EPB41L3: variants seen among roughly 807,000 people sequenced by gnomAD.
The protein encoded by EPB41L3 is erythrocyte membrane protein band 4.1 like 3, also known as band 4.1-like protein 3.
Under a neutral mutation model 127.1 loss-of-function variants are expected in EPB41L3, and 57 were observed. The observed-to-expected ratio is 0.45, with a 90% CI of 0.36 to 0.56. EPB41L3 has a LOEUF of 0.56. EPB41L3 is among the 20% of genes least tolerant of loss of function. The pLI, the probability that EPB41L3 is intolerant of heterozygous loss-of-function variation, is 0.00. For synonymous variants in EPB41L3, 572 were observed against 549.5 expected, an observed-to-expected ratio of 1.04 and a Z score of -0.57; for missense variants, 1,273 against 1,372.2, an observed-to-expected ratio of 0.93 and a Z score of 1.14.
chr18:5,608,275 G>C (rs2094685137), intron 3 of EPB41L3, among the ~76,000 whole-genome samples: 1 of 152,110 alleles, frequency 6.6e-6, no homozygotes, highest in Non-Finnish European at 1.5e-5. Flanking sequence ...TGTTGTTGTT[G>C]TTGTTAAGAA....
At position 5,395,724 on chromosome 18, in the gene EPB41L3, A is replaced by G. The variant is rs2073296593; in HGVS notation, c.2974-17T>C. 6.2e-7 allele frequency: 1 copy of G among 1,606,740 alleles called. No homozygotes were observed. The highest frequency in any genetic ancestry group is 1.3e-5 in the African/African-American group (1 of 74,902). Reference sequence around the variant, plus strand: ...TGGATCGACCTAAAGCAGCAGAGGCATAGACCCCTCATCCAGGTGCTCACA... The same window carrying G: ...TGGATCGACCTAAAGCAGCAGAGGCGTAGACCCCTCATCCAGGTGCTCACA... On this transcript the variant is annotated splice_polypyrimidine_tract_variant and intron_variant, in intron 19 of 22. Transcript: ENST00000341928.
chr18:5,604,817 C>A (rs1323539730), intron 3 of EPB41L3, among the ~76,000 whole-genome samples: 1 of 152,072 alleles, frequency 6.6e-6, no homozygotes, highest in African/African-American at 2.4e-5. Context: ...CTCTCCTTAT[C>A]CCCTAATTTC....
At position 5,396,308 on chromosome 18, in the gene EPB41L3, T is replaced by C; in HGVS notation, c.2866A>G (p.Ile956Val). ...CCCGGTGAAACACTGCCAAAACTGA[T>C]GGTTTCCGTCTTCACCGTTGAGGAC... ...FESSTVKTET[I>V]SFGSVSPGGV... Residue 956 changes from isoleucine to valine, a missense_variant, in exon 19 of 23, where the codon ATC becomes GTC. Around this residue, in one of 3 missense-constraint regions of EPB41L3, gnomAD observed 765 missense variants for 782.9 expected, o/e 0.98. Coordinates refer to ENST00000341928, the MANE Select transcript of EPB41L3 (RefSeq NM_012307.5). The C allele has an allele frequency of 1.2e-6, 2 of 1,614,220 alleles. No individual in the cohort carries two copies.
intron 1 of EPB41L3, among the ~76,000 whole-genome samples, chr18:5,492,043 G>C (rs1292726344): frequency 6.6e-6 from 1 of 152,142 alleles, no homozygotes; most frequent in African/African-American, 2.4e-5. Context: ...TGTCTGGCTG[G>C]GCGCAGTGGC....
chr18:5,481,400 G>A (rs939143838), intron 2 of EPB41L3, among the ~76,000 whole-genome samples: 2 of 152,120 alleles, frequency 1.3e-5, no homozygotes, highest in Non-Finnish European at 2.9e-5. Flanking sequence ...TAGTCATGAT[G>A]CCCCTCCCCT....
intron 1 of EPB41L3, among the ~76,000 whole-genome samples, chr18:5,499,829 G>GTGTGTGTGTGTATATATATATATA (rs563662904): frequency 1.6e-5 from 2 of 124,616 alleles, no homozygotes; most frequent in African/African-American, 6.2e-5. Flanking sequence ...CTATGTGTGT[G>GTGTGTGTGTGTATATATATATATA]TATATATATA....
chr18:5,542,573 C>CA (rs1336159445), intron 1 of EPB41L3, among the ~76,000 whole-genome samples: 1 of 152,040 alleles, frequency 6.6e-6, no homozygotes, highest in Non-Finnish European at 1.5e-5. Flanking sequence ...GCAATGGAAG[C>CA]ACTGCATTAG....
At chr18:5,420,927 T>C (rs1163035840) in intron 11 of EPB41L3, among the ~76,000 whole-genome samples, 3 of 152,196 alleles carry the variant, frequency 2.0e-5, no homozygotes, top group African/African-American at 7.2e-5. Context: ...ATATCTTCAC[T>C]AAGACATTTT....
intron 1 of EPB41L3, among the ~76,000 whole-genome samples, chr18:5,536,953 G>A (rs2093593005): frequency 6.6e-6 from 1 of 152,126 alleles, no homozygotes; most frequent in Non-Finnish European, 1.5e-5. Flanking sequence ...ACAAAATGAT[G>A]CTACTGCTAT....
At chr18:5,430,589 G>T (rs545216630) in intron 8 of EPB41L3, among the ~76,000 whole-genome samples, 13 of 150,354 alleles carry the variant, frequency 8.6e-5, no homozygotes, top group Admixed American at 6.6e-4. Context: ...TTGAGGCAGG[G>T]TCTCCCTCTG....
chr18:5,422,768 C>T (rs2077640236), intron 11 of EPB41L3, among the ~76,000 whole-genome samples: 1 of 152,188 alleles, frequency 6.6e-6, no homozygotes, highest in African/African-American at 2.4e-5. Context: ...TTTGAATGAT[C>T]ATCTCTCCAT....
intron 1 of EPB41L3, among the ~76,000 whole-genome samples, chr18:5,619,871 G>A (rs1012898374): frequency 3.3e-5 from 5 of 152,116 alleles, no homozygotes; most frequent in Non-Finnish European, 7.4e-5. Context: ...GAGATTCCAG[G>A]TAACACGGTA....
At chr18:5,571,454 T>C (rs1317124891) in intron 3 of EPB41L3, among the ~76,000 whole-genome samples, 1 of 152,248 alleles carries the variant, frequency 6.6e-6, no homozygotes, top group Non-Finnish European at 1.5e-5. Context: ...AGGTGATTAA[T>C]TGTACTCAGC....
intron 3 of EPB41L3, among the ~76,000 whole-genome samples, chr18:5,575,047 C>A (rs2094323779): frequency 6.6e-6 from 1 of 152,162 alleles, no homozygotes; most frequent in Non-Finnish European, 1.5e-5. Flanking sequence ...TGGATATGAG[C>A]ATGTGCCCAC....
intron 1 of EPB41L3, among the ~76,000 whole-genome samples, chr18:5,498,768 A>G (rs2091452643): frequency 6.6e-6 from 1 of 152,092 alleles, no homozygotes; most frequent in Non-Finnish European, 1.5e-5. Flanking sequence ...CTTATGTTAA[A>G]CCGAATCCTG....
intron 3 of EPB41L3, among the ~76,000 whole-genome samples, chr18:5,474,531 C>A (rs2086789292): frequency 6.6e-6 from 1 of 152,068 alleles, no homozygotes; most frequent in Non-Finnish European, 1.5e-5. Context: ...TCTCATGCTA[C>A]CGTCATGGCA....
chr18:5,400,513 A>G (rs1410681875), intron 16 of EPB41L3: 1 of 456,530 alleles, frequency 2.2e-6, no homozygotes, highest in African/African-American at 2.0e-5. Context: ...GGTTGATGGG[A>G]CAGTTTTCTG....
At chr18:5,592,101 A>C (rs914952981) in intron 3 of EPB41L3, among the ~76,000 whole-genome samples, 2 of 152,216 alleles carry the variant, frequency 1.3e-5, no homozygotes, top group Non-Finnish European at 2.9e-5. Context: ...TAATTTACCT[A>C]AAAAGTTATG....
chr18:5,423,341 G>C, intron 11 of EPB41L3, 37 bp downstream of exon 11: 2 of 1,504,402 alleles, frequency 1.3e-6, no homozygotes, highest in Non-Finnish European at 1.8e-6. Flanking sequence ...TTTTGGGGTA[G>C]GTACTAGGTT....
Sources: allele counts gnomAD v4.1 joint callset (sites outside exome capture counted in the v4.1 genomes callset), GRCh38; gene constraint gnomAD v4.1.1; regional missense constraint gnomAD v4.1.1; transcripts MANE v1.5; gene names NCBI Gene and HGNC (gene_info 2026-07-23, HGNC 2026-07-21).